Variants in MKX observed in about 807,000 individuals in gnomAD.
MKX encodes the protein mohawk homeobox, also known as homeobox protein Mohawk.
A neutral mutation model predicts 36.0 loss-of-function variants in MKX; 13 were observed. The observed-to-expected ratio is 0.36, with a 90% confidence interval of 0.24 to 0.57. MKX has a LOEUF of 0.57. Ranked by LOEUF, MKX falls within the 20% of genes least tolerant of loss-of-function variation. The probability of loss-of-function intolerance (pLI) is 0.79; values close to 1 mark genes in which losing one functional copy is unlikely to be tolerated. For missense variants in MKX, 458 were observed against 456.4 expected (o/e 1.00, Z -0.03); for synonymous variants, 176 against 178.3 (o/e 0.99, Z 0.10).
At chr10:27,710,804 T>C (rs558702993) in intron 5 of MKX, among the ~76,000 whole-genome samples, 4 of 152,220 alleles carry the variant, frequency 2.6e-5, no homozygotes, top group Non-Finnish European at 5.9e-5. Context: ...ATTAGAGGCA[T>C]GAGTCACTAC....
intron 3 of MKX, among the ~76,000 whole-genome samples, chr10:27,739,413 A>C (rs566199828): frequency 6.6e-6 from 1 of 152,248 alleles, no homozygotes; most frequent in East Asian, 1.9e-4. Context: ...CCCCACTTAA[A>C]ATTACATATT....
At chr10:27,732,885 C>T (rs1386513935) in intron 5 of MKX, among the ~76,000 whole-genome samples, 2 of 151,932 alleles carry the variant, frequency 1.3e-5, no homozygotes, top group African/African-American at 4.8e-5. Flanking sequence ...GTAGATGGGA[C>T]TGCAGGTATG....
rs971831847 is a variant in MKX at position 27,742,798 on chromosome 10, G to C, written c.188+430C>G. On this transcript the variant is annotated intron_variant, in intron 2 of 6. Transcript: ENST00000419761. This position sits in a 1 kb window ranked among gnomAD's most constrained non-coding sequence, Gnocchi z 4.2. ...GCCGCGGGGCTCTGGCGAGGGGCTC[G>C]AGTGACCGAAGAGAAGTCCGCGGAG... Among the ~76,000 whole-genome samples the C allele has an allele frequency of 6.6e-6, 1 of 152,072 alleles. No homozygotes were observed. The highest frequency in any genetic ancestry group is 1.5e-5 in the Non-Finnish European group (1 of 67,982).
At chr10:27,724,791 A>ACAC (rs775804611) in intron 5 of MKX, among the ~76,000 whole-genome samples, 2 of 147,774 alleles carry the variant, frequency 1.4e-5, no homozygotes, top group Admixed American at 6.8e-5. Context: ...ACACACACAC[A>ACAC]CCCCGCAGAA....
At chr10:27,712,381 C>T (rs1446053839) in intron 5 of MKX, among the ~76,000 whole-genome samples, 4 of 152,160 alleles carry the variant, frequency 2.6e-5, no homozygotes, top group East Asian at 1.9e-4. Context: ...CCCTTAAGTT[C>T]GCTTAGCATC....
At position 27,675,302 on chromosome 10, in the gene MKX, C is replaced by G. The variant is rs763186492; in HGVS notation, c.986G>C (p.Ser329Thr). 2 of 1,614,196 alleles carry G rather than the reference C, an allele frequency of 1.2e-6. No homozygotes were observed. The highest frequency in any genetic ancestry group is 2.2e-5 in the South Asian group (2 of 91,080). The change falls in exon 7 of 7, where the codon AGC (serine) becomes ACC (threonine). Residue 329 changes from serine to threonine, a missense_variant. Ser to Thr is a moderately conservative substitution (Grantham distance 58). Coordinates refer to ENST00000419761, the MANE Select transcript of MKX (RefSeq NM_173576.3). ...ATGGGACGACTTCTGGATGATGCAG[C>G]TGGTAGTTCCCTGCAGTTTGTCCTT... Reference protein sequence around the residue: ...QGKDKLQGTTSCIIQKSSHIA... With the variant: ...QGKDKLQGTTTCIIQKSSHIA...
chr10:27,728,569 G>A (rs1834546751), intron 5 of MKX, among the ~76,000 whole-genome samples: 1 of 152,170 alleles, frequency 6.6e-6, no homozygotes, highest in Admixed American at 6.5e-5. Flanking sequence ...TGGAATGAAT[G>A]CACATAGGAG....
At chr10:27,726,361 A>G (rs911935735) in intron 5 of MKX, among the ~76,000 whole-genome samples, 1 of 152,146 alleles carries the variant, frequency 6.6e-6, no homozygotes, top group Non-Finnish European at 1.5e-5. Flanking sequence ...GTTCTTGTCA[A>G]CCCTGACAGT....
intron 5 of MKX, among the ~76,000 whole-genome samples, chr10:27,706,488 C>A (rs1836757966): frequency 6.6e-6 from 1 of 151,932 alleles, no homozygotes; most frequent in African/African-American, 2.4e-5. Context: ...CATTTACAAT[C>A]CCAGCAGTGC....
At chr10:27,716,832 T>C (rs1254081171) in intron 5 of MKX, among the ~76,000 whole-genome samples, 1 of 152,170 alleles carries the variant, frequency 6.6e-6, no homozygotes. Flanking sequence ...CAACCTGGTA[T>C]TACATCTGTG....
At chr10:27,723,336 T>C (rs1834420606) in intron 5 of MKX, among the ~76,000 whole-genome samples, 1 of 152,116 alleles carries the variant, frequency 6.6e-6, no homozygotes, top group African/African-American at 2.4e-5. Context: ...ACAAGACCAG[T>C]TGCACTAGTG....
At chr10:27,724,470 GCA>G (rs1418114191) in intron 5 of MKX, among the ~76,000 whole-genome samples, 2 of 152,082 alleles carry the variant, frequency 1.3e-5, no homozygotes, top group Non-Finnish European at 2.9e-5. Context: ...TCACCCTGTA[GCA>G]CCTCCTACTG....
At position 27,734,818 on chromosome 10, in the gene MKX, G is replaced by C. The variant is rs12218027; in HGVS notation, c.503-27C>G. ...TAAAGTGGAACAGTATCACTAAGTA[G>C]GGTGGTATGCATACTTTCCCCCAGC... On this transcript the variant is annotated intron_variant, in intron 4 of 6. Transcript: ENST00000419761. The C allele has an allele frequency of 0.015, 23,417 of 1,529,558 alleles. 1,758 individuals carry two copies. In the East Asian group the frequency reaches 0.23, roughly 15 times the overall value. The allele number at this position is 1,529,558 out of a possible 1,614,324, so 94.7% of individuals were successfully genotyped here. A position where few individuals can be genotyped will look rare whatever the true frequency, so the allele number is the denominator to read the frequency against.
rs1026820659 is a variant in MKX, at chr10:27,675,024, T to C, written c.*205A>G. 15 of 479,762 alleles carry C rather than the reference T, an allele frequency of 3.1e-5. No homozygotes were observed. The highest frequency in any genetic ancestry group is 2.2e-4 in the African/African-American group (11 of 51,158). 29.7% of individuals were successfully genotyped at this position (479,762 alleles called of 1,614,324 possible). The stretch of plus-strand genomic sequence containing the variant: ...TGTTTTATGCATAGTTTGAGTAACA[T>C]AAAATAAGTTAATATTTTTGATTAA... On this transcript the variant is annotated 3_prime_UTR_variant, in exon 7 of 7. Coordinates refer to ENST00000419761, the MANE Select transcript of MKX (RefSeq NM_173576.3).
intron 5 of MKX, among the ~76,000 whole-genome samples, chr10:27,707,197 C>T (rs901326768): frequency 6.1e-5 from 9 of 147,750 alleles, no homozygotes; most frequent in Non-Finnish European, 8.8e-5. Flanking sequence ...AAAGTGGGAT[C>T]AGGACTGCAT....
At chr10:27,712,466 G>T (rs1231218557) in intron 5 of MKX, among the ~76,000 whole-genome samples, 1 of 152,152 alleles carries the variant, frequency 6.6e-6, no homozygotes, top group African/African-American at 2.4e-5. Context: ...TACAGGTAAA[G>T]AACATGGGAT....
At chr10:27,709,341 T>G (rs1836813228) in intron 5 of MKX, among the ~76,000 whole-genome samples, 1 of 152,174 alleles carries the variant, frequency 6.6e-6, no homozygotes, top group African/African-American at 2.4e-5. Context: ...GGGGGATGCG[T>G]GCAGGTCACA....
intron 5 of MKX, among the ~76,000 whole-genome samples, chr10:27,705,875 A>G (rs1400173163): frequency 6.6e-6 from 1 of 152,204 alleles, no homozygotes; most frequent in Non-Finnish European, 1.5e-5. Context: ...GTGGCAAAAT[A>G]TACATAACAT....
intron 5 of MKX, among the ~76,000 whole-genome samples, chr10:27,721,260 GAA>G (rs11337542): frequency 2.5e-4 from 37 of 147,158 alleles, no homozygotes; most frequent in South Asian, 1.7e-3. Context: ...AGAATATTTT[GAA>G]AAAAAAAAAT....
Sources: allele counts gnomAD v4.1 joint callset (sites outside exome capture counted in the v4.1 genomes callset), GRCh38; gene constraint gnomAD v4.1.1; non-coding constraint Gnocchi (gnomAD v3.1); transcripts MANE v1.5; gene names NCBI Gene and HGNC (gene_info 2026-07-23, HGNC 2026-07-21).